The following SRPK2 variants were observed in gnomAD, a reference collection of about 807,000 sequenced individuals.
The protein encoded by SRPK2 is SRSF protein kinase 2.
Under a neutral mutation model 90.8 loss-of-function variants are expected in SRPK2, and 21 were observed. The ratio of observed to expected loss-of-function variants is 0.23; its 90% CI spans 0.16 to 0.33. The LOEUF is 0.33. SRPK2 is among the 10% of genes least tolerant of loss of function. The pLI, the probability that SRPK2 is intolerant of heterozygous loss-of-function variation, is 1.00. For synonymous variants in SRPK2, 288 were observed against 311.1 expected (o/e 0.93, Z 0.78); for missense variants, 620 against 869.0 (o/e 0.71, Z 3.60).
At chr7:105,329,717 GAAGA>G (rs1243585887) in intron 2 of SRPK2, among the ~76,000 whole-genome samples, 1 of 152,022 alleles carries the variant, frequency 6.6e-6, no homozygotes, top group East Asian at 1.9e-4. Context: ...TAGAAAAACA[GAAGA>G]AAGGGCTCAT....
intron 2 of SRPK2, among the ~76,000 whole-genome samples, chr7:105,210,657 G>A (rs1472024403): frequency 6.6e-6 from 1 of 152,140 alleles, no homozygotes; most frequent in Non-Finnish European, 1.5e-5. Flanking sequence ...GTAGATCTGT[G>A]AGTGTGAGAT....
intron 2 of SRPK2, among the ~76,000 whole-genome samples, chr7:105,281,080 G>T (rs879379324): frequency 1.4e-5 from 2 of 141,348 alleles, no homozygotes; most frequent in Admixed American, 1.4e-4. Flanking sequence ...TTTTGTTGTT[G>T]TATTTGTTGT....
intron 2 of SRPK2, among the ~76,000 whole-genome samples, chr7:105,225,654 T>C (rs1798618742): frequency 6.6e-6 from 1 of 152,208 alleles, no homozygotes; most frequent in African/African-American, 2.4e-5. Context: ...ACAATTTTAA[T>C]TGTATTTATA....
chr7:105,356,749 A>C (rs1047123750), intron 2 of SRPK2, among the ~76,000 whole-genome samples: 3 of 152,234 alleles, frequency 2.0e-5, no homozygotes, highest in Non-Finnish European at 4.4e-5. Context: ...AATACCCAAA[A>C]GAAGGAACAG....
At chr7:105,167,023 C>T (rs1790157693) in intron 6 of SRPK2, among the ~76,000 whole-genome samples, 2 of 152,130 alleles carry the variant, frequency 1.3e-5, no homozygotes, top group African/African-American at 4.8e-5. Context: ...ACAGATTGTC[C>T]TTATGCACTG....
At chr7:105,283,788 C>A (rs182372236) in intron 2 of SRPK2, among the ~76,000 whole-genome samples, 5 of 151,968 alleles carry the variant, frequency 3.3e-5, no homozygotes, top group African/African-American at 1.2e-4. Context: ...CCCAGGAGTT[C>A]GAGACCAGCC....
At chr7:105,178,075 T>C (rs1358253958) in intron 3 of SRPK2, among the ~76,000 whole-genome samples, 1 of 151,964 alleles carries the variant, frequency 6.6e-6, no homozygotes, top group African/African-American at 2.4e-5. Context: ...TCCTAAGATT[T>C]GACAGTCACA....
chr7:105,202,584 T>C (rs1208561326), intron 3 of SRPK2, among the ~76,000 whole-genome samples: 2 of 152,224 alleles, frequency 1.3e-5, no homozygotes, highest in Admixed American at 1.3e-4. Flanking sequence ...TTGTTCTTAA[T>C]ATTCATCACA....
At chr7:105,167,033 G>A (rs1408816049) in intron 6 of SRPK2, among the ~76,000 whole-genome samples, 2 of 152,122 alleles carry the variant, frequency 1.3e-5, no homozygotes, top group African/African-American at 4.8e-5. Flanking sequence ...CTTATGCACT[G>A]GTTTTAGAAA....
chr7:105,125,249 T>C (rs1801022831), intron 15 of SRPK2, among the ~76,000 whole-genome samples: 2 of 151,976 alleles, frequency 1.3e-5, no homozygotes, highest in African/African-American at 4.8e-5. Flanking sequence ...AAATAAACAG[T>C]TGGAAGATCA....
chr7:105,233,097 AAG>A (rs1443902189), intron 2 of SRPK2, among the ~76,000 whole-genome samples: 1 of 72,826 alleles, frequency 1.4e-5, no homozygotes, highest in African/African-American at 5.2e-5. Flanking sequence ...GGAAAGAAGG[AAG>A]GAAGGAAGGA....
chr7:105,372,008 G>A (rs567725874), intron 2 of SRPK2, among the ~76,000 whole-genome samples: 6 of 152,012 alleles, frequency 3.9e-5, no homozygotes, highest in Non-Finnish European at 7.4e-5. Context: ...GGTGGCGGGC[G>A]CCTGTAGTCC....
chr7:105,258,148 G>A (rs548609564), intron 2 of SRPK2, among the ~76,000 whole-genome samples: 13 of 151,986 alleles, frequency 8.6e-5, no homozygotes, highest in Non-Finnish European at 1.5e-4. Flanking sequence ...GCCAGGTGCG[G>A]TGGATCACGC....
rs926730013 is a variant in SRPK2 at position 105,396,476 on chromosome 7, A to G, written n.153+2680T>C. Among the ~76,000 whole-genome samples the G allele has an allele frequency of 9.6e-4, 145 of 151,794 alleles. 1 individual carries two copies. The highest frequency in any genetic ancestry group is 3.3e-3 in the African/African-American group (136 of 41,434). ...CACGGCGAAATCTCATATCTACTAT[A>G]AATACAAAGCTGGGCGTGGTGGCAG... On this transcript the variant is annotated intron_variant and non_coding_transcript_variant, in intron 1 of 3. Transcript: ENST00000462282.
intron 2 of SRPK2, among the ~76,000 whole-genome samples, chr7:105,341,022 T>C (rs759898580): frequency 1.3e-5 from 2 of 152,192 alleles, no homozygotes; most frequent in African/African-American, 2.4e-5. Context: ...AAAGCATGCA[T>C]TGGGGAAAAG....
At chr7:105,323,967 T>TTGTGTGTGTGTGTGTGTGTGTG (rs58288208) in intron 2 of SRPK2, among the ~76,000 whole-genome samples, 2 of 133,816 alleles carry the variant, frequency 1.5e-5, no homozygotes, top group African/African-American at 5.5e-5. Flanking sequence ...AGACTATTCT[T>TTGTGTGTGTGTGTGTGTGTGTG]TGTGTGTGTG....
intron 2 of SRPK2, among the ~76,000 whole-genome samples, chr7:105,346,198 A>T (rs1407233488): frequency 2.0e-5 from 3 of 152,216 alleles, no homozygotes; most frequent in Admixed American, 6.5e-5. Context: ...AAGTTTTTTA[A>T]AAAATTCCTG....
chr7:105,247,334 AT>A (rs1388836935), intron 2 of SRPK2, among the ~76,000 whole-genome samples: 2 of 152,172 alleles, frequency 1.3e-5, no homozygotes, highest in African/African-American at 2.4e-5. Flanking sequence ...AATACAGATG[AT>A]TAATAATATT....
At chr7:105,390,618 T>TTTG (rs1563326761), upstream of SRPK2, among the ~76,000 whole-genome samples, 1 of 148,562 alleles carries the variant, frequency 6.7e-6, no homozygotes, top group East Asian at 2.0e-4. Context: ...TTTTTTTTTT[T>TTTG]TTTTTTTTTT....
Sources: gnomAD v4.1 joint callset for allele counts (sites outside exome capture counted in the v4.1 genomes callset) on GRCh38, gnomAD v4.1.1 for gene constraint, MANE v1.5 for transcripts, NCBI Gene and HGNC (gene_info 2026-07-23, HGNC 2026-07-21) for gene names.